Variants in TECRL observed in about 807,000 individuals in gnomAD.
TECRL encodes the protein trans-2,3-enoyl-CoA reductase-like.
A neutral mutation model predicts 52.8 loss-of-function variants in TECRL; 63 were observed. The observed-to-expected ratio is 1.19, with a 90% CI of 0.97 to 1.47. The LOEUF (loss-of-function observed/expected upper bound fraction) is 1.47, where lower values mean the gene tolerates loss of function less well. TECRL is among the 40% of genes most tolerant of loss of function. The pLI, the probability that TECRL is intolerant of heterozygous loss-of-function variation, is 0.00. For missense variants in TECRL, 482 were observed against 429.6 expected (o/e 1.12, Z -1.08); for synonymous variants, 164 against 141.9 (o/e 1.16, Z -1.10).
intron 1 of TECRL, among the ~76,000 whole-genome samples, chr4:64,399,674 G>A (rs1017746998): frequency 6.6e-6 from 1 of 152,140 alleles, no homozygotes; most frequent in Non-Finnish European, 1.5e-5. Context: ...TGGTGCAAAG[G>A]GACTTATGTA....
intron 3 of TECRL, among the ~76,000 whole-genome samples, chr4:64,327,725 G>A (rs1312304013): frequency 6.6e-6 from 1 of 151,826 alleles, no homozygotes. Context: ...TAACAGTTTC[G>A]AGAGACTCAA....
intron 1 of TECRL, among the ~76,000 whole-genome samples, chr4:64,401,494 T>C (rs1724359173): frequency 6.6e-6 from 1 of 152,320 alleles, no homozygotes; most frequent in Admixed American, 6.5e-5. Context: ...CTCATACTCA[T>C]AACTAAATTT....
intron 9 of TECRL, among the ~76,000 whole-genome samples, chr4:64,288,792 G>A (rs752028774): frequency 6.6e-6 from 1 of 152,158 alleles, no homozygotes; most frequent in Non-Finnish European, 1.5e-5. Context: ...CCAATGAGAT[G>A]CATTGAAAAC....
Position 64,387,210 on chromosome 4 carries a change from T to C in TECRL, c.235-11987A>G, listed in dbSNP as rs1344374083. Among the ~76,000 whole-genome samples, 4 of 152,146 alleles carry C rather than the reference T, an allele frequency of 2.6e-5. No homozygotes were observed. In the South Asian group the frequency reaches 6.2e-4, roughly 24 times the overall value. On this transcript the variant is annotated intron_variant, in intron 1 of 11. Transcript: ENST00000381210. ...GCATTTTTTCACTTAGTAATGCACATTTAAATTCCCTGAATGTCTTTTCAT... is the reference window on the plus strand; with the variant it reads ...GCATTTTTTCACTTAGTAATGCACACTTAAATTCCCTGAATGTCTTTTCAT...
chr4:64,366,913 C>T (rs1453017790), intron 2 of TECRL, among the ~76,000 whole-genome samples: 1 of 151,826 alleles, frequency 6.6e-6, no homozygotes, highest in Non-Finnish European at 1.5e-5. Flanking sequence ...ATATGTCATT[C>T]TACCAAAGAG....
chr4:64,342,630 G>T (rs1719667026), intron 2 of TECRL, among the ~76,000 whole-genome samples: 1 of 151,864 alleles, frequency 6.6e-6, no homozygotes, highest in Non-Finnish European at 1.5e-5. Flanking sequence ...CTATTCTCAG[G>T]TAAATGATTT....
chr4:64,383,800 T>G (rs900988491), intron 1 of TECRL, among the ~76,000 whole-genome samples: 9 of 152,178 alleles, frequency 5.9e-5, no homozygotes, highest in African/African-American at 2.2e-4. Flanking sequence ...TTTCTCATTT[T>G]ATCATGTTTC....
chr4:64,391,574 A>G (rs1723549988), intron 1 of TECRL, among the ~76,000 whole-genome samples: 1 of 151,834 alleles, frequency 6.6e-6, no homozygotes. Context: ...TATCTAAGAA[A>G]TCTCATCATT....
intron 1 of TECRL, among the ~76,000 whole-genome samples, chr4:64,403,502 CAT>C (rs201042081): frequency 4.0e-5 from 6 of 151,856 alleles, no homozygotes; most frequent in East Asian, 1.9e-4. Flanking sequence ...CACACACACA[CAT>C]AGACTTAGTA....
At chr4:64,331,599 G>A (rs999938499) in intron 2 of TECRL, among the ~76,000 whole-genome samples, 2 of 152,076 alleles carry the variant, frequency 1.3e-5, no homozygotes, top group Admixed American at 6.6e-5. Flanking sequence ...ATCACTTAAA[G>A]ATGATTGGAA....
At chr4:64,356,110 A>G (rs1254093288) in intron 2 of TECRL, among the ~76,000 whole-genome samples, 2 of 152,154 alleles carry the variant, frequency 1.3e-5, no homozygotes, top group Non-Finnish European at 2.9e-5. Flanking sequence ...TACAAGCAGT[A>G]TGCTTGGTAA....
chr4:64,323,940 C>A (rs1002522237), intron 3 of TECRL, among the ~76,000 whole-genome samples: 1 of 152,064 alleles, frequency 6.6e-6, no homozygotes, highest in African/African-American at 2.4e-5. Context: ...AAATAGGCAG[C>A]AGGGTAGAAG....
At chr4:64,374,935 A>G (rs911948101) in intron 2 of TECRL, among the ~76,000 whole-genome samples, 2 of 152,138 alleles carry the variant, frequency 1.3e-5, no homozygotes, top group African/African-American at 4.8e-5. Flanking sequence ...AAGTTTAAAT[A>G]TAAATTAAAA....
chr4:64,301,467 G>T (rs779508922), intron 7 of TECRL, among the ~76,000 whole-genome samples: 1 of 150,970 alleles, frequency 6.6e-6, no homozygotes, highest in Non-Finnish European at 1.5e-5. Flanking sequence ...TCAAGAATTC[G>T]CATGACAGGC....
intron 7 of TECRL, 144 bp from the exon 8 acceptor site, chr4:64,300,161 T>C (rs529181072): frequency 6.2e-6 from 3 of 482,354 alleles, no homozygotes; most frequent in South Asian, 1.3e-4. Flanking sequence ...TTTGGGATGA[T>C]ACTTTTGCAA....
intron 10 of TECRL, 36 bp from the exon 11 acceptor site, chr4:64,281,122 A>C (rs1722803229): frequency 1.3e-6 from 2 of 1,534,328 alleles, no homozygotes; most frequent in Non-Finnish European, 1.8e-6. Context: ...ACATACATAA[A>C]TGGAATCTAG....
At chr4:64,328,695 G>A (rs1718425880) in intron 2 of TECRL, 139 bp from the exon 3 acceptor site, 1 of 669,796 alleles carries the variant, frequency 1.5e-6, no homozygotes, top group East Asian at 2.8e-5. Context: ...AGAAATAGTG[G>A]TTACCTTTTG....
chr4:64,310,131 A>G (rs1343150824), intron 5 of TECRL, among the ~76,000 whole-genome samples, 200 bp from the exon 6 acceptor site: 1 of 152,166 alleles, frequency 6.6e-6, no homozygotes, highest in Non-Finnish European at 1.5e-5. Context: ...CTGTTATAAG[A>G]GTCTCTATAA....
At chr4:64,391,036 G>A (rs1173408541) in intron 1 of TECRL, among the ~76,000 whole-genome samples, 1 of 151,680 alleles carries the variant, frequency 6.6e-6, no homozygotes, top group Non-Finnish European at 1.5e-5. Context: ...CGTATTGCCA[G>A]CCACTAAAAA....
Sources: gnomAD v4.1 joint callset for allele counts (sites outside exome capture counted in the v4.1 genomes callset) on GRCh38, gnomAD v4.1.1 for gene constraint, MANE v1.5 for transcripts, NCBI Gene and HGNC (gene_info 2026-07-23, HGNC 2026-07-21) for gene names.